Variants in GRIA4 observed in about 807,000 individuals in gnomAD.
GRIA4 encodes glutamate receptor 4.
A neutral mutation model predicts 104.0 loss-of-function variants in GRIA4; 34 were observed. That is an observed-to-expected ratio of 0.33 (90% CI 0.25 to 0.44). The LOEUF is 0.44. Ranked by LOEUF, GRIA4 falls within the 20% of genes least tolerant of loss-of-function variation. The pLI is 1.00. For synonymous variants in GRIA4, 386 were observed against 381.9 expected, an observed-to-expected ratio of 1.01 and a Z score of -0.13; for missense variants, 750 against 1,096.5, an observed-to-expected ratio of 0.68 and a Z score of 4.46.
chr11:105,644,514 G>T (rs1288208078), intron 3 of GRIA4, among the ~76,000 whole-genome samples: 1 of 152,034 alleles, frequency 6.6e-6, no homozygotes, highest in African/African-American at 2.4e-5. Flanking sequence ...TGAGGTGAGG[G>T]GATTGCTTGA....
intron 14 of GRIA4, among the ~76,000 whole-genome samples, chr11:105,960,433 T>A (rs1039754072): frequency 1.5e-4 from 23 of 152,146 alleles, no homozygotes; most frequent in African/African-American, 4.8e-5. Context: ...TGGGGACAAG[T>A]CTTGGGAGTG....
chr11:105,918,155 A>AT (rs1947462745), intron 10 of GRIA4, among the ~76,000 whole-genome samples: 2 of 152,106 alleles, frequency 1.3e-5, no homozygotes, highest in South Asian at 2.1e-4. Flanking sequence ...CTATTGATTC[A>AT]TTTTTTCTTT....
At chr11:105,886,481 C>T (rs1462449289) in intron 5 of GRIA4, among the ~76,000 whole-genome samples, 1 of 151,146 alleles carries the variant, frequency 6.6e-6, no homozygotes, top group Non-Finnish European at 1.5e-5. Flanking sequence ...CCATTCCCAC[C>T]TCCCTCCCAC....
At chr11:105,703,861 C>T (rs1397958332) in intron 3 of GRIA4, among the ~76,000 whole-genome samples, 2 of 151,934 alleles carry the variant, frequency 1.3e-5, no homozygotes, top group African/African-American at 4.8e-5. Context: ...TGTCATCTAA[C>T]CTTTTAGCCA....
intron 3 of GRIA4, among the ~76,000 whole-genome samples, chr11:105,629,928 G>A (rs1377030793): frequency 6.6e-6 from 1 of 152,100 alleles, no homozygotes; most frequent in Non-Finnish European, 1.5e-5. Context: ...CATTAAAAAA[G>A]CCAAGAAAAT....
chr11:105,723,650 C>G (rs1937989277), intron 3 of GRIA4, among the ~76,000 whole-genome samples: 1 of 151,998 alleles, frequency 6.6e-6, no homozygotes, highest in Non-Finnish European at 1.5e-5. Flanking sequence ...TGATCTAGAC[C>G]ATTCACTGGA....
intron 4 of GRIA4, among the ~76,000 whole-genome samples, chr11:105,828,107 T>C (rs1430251426): frequency 6.6e-6 from 1 of 152,036 alleles, no homozygotes; most frequent in African/African-American, 2.4e-5. Flanking sequence ...ATCTGACAAT[T>C]GACATCACAA....
intron 4 of GRIA4, among the ~76,000 whole-genome samples, chr11:105,847,078 T>C (rs1189097599): frequency 6.6e-6 from 1 of 151,918 alleles, no homozygotes; most frequent in Non-Finnish European, 1.5e-5. Flanking sequence ...GATCTTAGAT[T>C]CTCATGACGA....
intron 3 of GRIA4, among the ~76,000 whole-genome samples, chr11:105,655,582 T>C (rs543594668): frequency 6.6e-6 from 1 of 152,050 alleles, no homozygotes; most frequent in African/African-American, 2.4e-5. Context: ...ACTTATGTGG[T>C]GTTTGGTTTT....
chr11:105,977,322 T>C (rs1456562501), intron 16 of GRIA4, among the ~76,000 whole-genome samples: 1 of 152,014 alleles, frequency 6.6e-6, no homozygotes, highest in African/African-American at 2.4e-5. Context: ...GAACTACCTT[T>C]CCTGAATCTC....
At chr11:105,672,473 A>T (rs1238864439) in intron 3 of GRIA4, among the ~76,000 whole-genome samples, 1 of 152,184 alleles carries the variant, frequency 6.6e-6, no homozygotes, top group African/African-American at 2.4e-5. Context: ...ATGTTACTGT[A>T]TTCAGTTTAC....
intron 3 of GRIA4, among the ~76,000 whole-genome samples, chr11:105,659,653 C>T (rs1951948590): frequency 6.6e-6 from 1 of 151,878 alleles, no homozygotes. Context: ...CACCCAAAAG[C>T]TCCTGACATA....
intron 3 of GRIA4, among the ~76,000 whole-genome samples, chr11:105,649,275 G>C (rs1951620563): frequency 1.3e-5 from 2 of 151,932 alleles, no homozygotes; most frequent in African/African-American, 4.8e-5. Flanking sequence ...TATTTTAAAA[G>C]ACAATTAATT....
At chr11:105,680,662 T>C (rs1019556601) in intron 3 of GRIA4, among the ~76,000 whole-genome samples, 4 of 152,130 alleles carry the variant, frequency 2.6e-5, no homozygotes, top group Admixed American at 1.3e-4. Context: ...TAAAAAAATA[T>C]ATCTTCAAAA....
chr11:105,952,873 T>A (rs908021905), intron 14 of GRIA4, among the ~76,000 whole-genome samples: 2 of 152,208 alleles, frequency 1.3e-5, no homozygotes, highest in Non-Finnish European at 2.9e-5. Context: ...AAATTCCTGA[T>A]CAATAGTACC....
intron 4 of GRIA4, among the ~76,000 whole-genome samples, chr11:105,760,799 A>G (rs1278169207): frequency 6.6e-6 from 1 of 151,530 alleles, no homozygotes; most frequent in Non-Finnish European, 1.5e-5. Flanking sequence ...TACTCAATGG[A>G]TTCTGGCCAG....
chr11:105,770,182 C>T (rs1294548737), intron 4 of GRIA4, among the ~76,000 whole-genome samples: 1 of 152,080 alleles, frequency 6.6e-6, no homozygotes, highest in Non-Finnish European at 1.5e-5. Flanking sequence ...GAGAGTTTCA[C>T]CTGTGGTGAC....
intron 13 of GRIA4, among the ~76,000 whole-genome samples, chr11:105,930,036 G>A (rs1251092752): frequency 6.6e-6 from 1 of 152,112 alleles, no homozygotes; most frequent in Admixed American, 6.6e-5. Context: ...AGACACTACA[G>A]TTGAAGGTTT....
chr11:105,636,162 T>C (rs1951196553), intron 3 of GRIA4, among the ~76,000 whole-genome samples: 1 of 152,224 alleles, frequency 6.6e-6, no homozygotes, highest in South Asian at 2.1e-4. Context: ...CTTCTTGCTT[T>C]TCATCAGTTC....
Sources: gnomAD v4.1 joint callset for allele counts (sites outside exome capture counted in the v4.1 genomes callset) on GRCh38, gnomAD v4.1.1 for gene constraint, MANE v1.5 for transcripts, NCBI Gene and HGNC (gene_info 2026-07-23, HGNC 2026-07-21) for gene names.